CEP63: variants seen among roughly 807,000 people sequenced by gnomAD.
CEP63 encodes centrosomal protein 63, also known as centrosomal protein of 63 kDa.
Under a neutral mutation model 89.1 loss-of-function variants are expected in CEP63, and 84 were observed. That is an observed-to-expected ratio of 0.94 (90% CI 0.79 to 1.13). The LOEUF is 1.13. CEP63 is among the 50% of genes most tolerant of loss of function. CEP63 has a pLI of 0.00. For synonymous variants in CEP63, 267 were observed against 272.5 expected (o/e 0.98, Z 0.20); for missense variants, 838 against 813.3 (o/e 1.03, Z -0.37).
chr3:134,779,398 T>C, the CEP63 span, among the ~76,000 whole-genome samples: 3 of 152,214 alleles, frequency 2.0e-5, no homozygotes, highest in South Asian at 2.1e-4. Flanking sequence ...TTTCCTGTTT[T>C]TTCCTATTAT....
At chr3:134,717,654 T>C in the CEP63 span, among the ~76,000 whole-genome samples, 1 of 152,194 alleles carries the variant, frequency 6.6e-6, no homozygotes, top group African/African-American at 2.4e-5. Context: ...AAATAAAATA[T>C]GTCTGTTTCC....
At chr3:134,612,595 G>A in the CEP63 span, among the ~76,000 whole-genome samples, 2 of 152,122 alleles carry the variant, frequency 1.3e-5, no homozygotes, top group African/African-American at 4.8e-5. Flanking sequence ...GGGTGGGATA[G>A]ACATTCTATA....
chr3:134,723,746 CCTCT>C, the CEP63 span, among the ~76,000 whole-genome samples: 1 of 152,174 alleles, frequency 6.6e-6, no homozygotes, highest in Non-Finnish European at 1.5e-5. Flanking sequence ...GCAGCTCTCA[CCTCT>C]CTCTATCTGT....
At chr3:134,733,512 C>A in the CEP63 span, among the ~76,000 whole-genome samples, 15 of 152,100 alleles carry the variant, frequency 9.9e-5, no homozygotes, top group African/African-American at 3.4e-4. Flanking sequence ...AAGATTAATG[C>A]AGATATAATC....
chr3:134,582,941 AT>A (rs1958395599), intron 10 of CEP63, among the ~76,000 whole-genome samples: 1 of 152,218 alleles, frequency 6.6e-6, no homozygotes, highest in South Asian at 2.1e-4. Context: ...GATGATGAGC[AT>A]TTATTCATGT....
At chr3:134,578,995 TGA>T (rs1958283973), downstream of CEP63, among the ~76,000 whole-genome samples, 2 of 152,194 alleles carry the variant, frequency 1.3e-5, no homozygotes, top group Non-Finnish European at 2.9e-5. Context: ...TGACCTCAAG[TGA>T]TCCACCTGCC....
At chr3:134,492,070 C>CTTTTTTTT (rs74269453) in intron 1 of CEP63, among the ~76,000 whole-genome samples, 3 of 103,682 alleles carry the variant, frequency 2.9e-5, no homozygotes, top group Non-Finnish European at 5.5e-5. Context: ...TATTTGTATT[C>CTTTTTTTT]TTTTTTTTTT....
the CEP63 span, chr3:134,603,518 G>C: frequency 3.4e-6 from 5 of 1,461,214 alleles, no homozygotes; most frequent in Admixed American, 2.3e-5. Flanking sequence ...CACTTCCTTC[G>C]AGCCCTCCCT....
chr3:134,742,772 T>C, the CEP63 span, among the ~76,000 whole-genome samples: 3 of 152,184 alleles, frequency 2.0e-5, no homozygotes, highest in Non-Finnish European at 4.4e-5. Flanking sequence ...GGGAGTGGGT[T>C]CTCTCCCTTG....
chr3:134,560,529 G>A (rs56095285), intron 14 of CEP63, among the ~76,000 whole-genome samples: 30,813 of 152,114 alleles, frequency 0.2, 3,391 homozygotes, highest in African/African-American at 0.29. Flanking sequence ...GGAGATGGAC[G>A]GGACAGCGCA....
chr3:134,650,815 C>G, the CEP63 span: 1 of 1,567,610 alleles, frequency 6.4e-7, no homozygotes, highest in African/African-American at 1.4e-5. Flanking sequence ...CCGGGTCGGG[C>G]GCGCGTTACC....
At chr3:134,777,608 ATT>A in the CEP63 span, among the ~76,000 whole-genome samples, 5 of 100,182 alleles carry the variant, frequency 5.0e-5, no homozygotes, top group African/African-American at 2.0e-4. Context: ...AAAGAATAGA[ATT>A]TTTTTTTTTT....
chr3:134,593,280 C>T, the CEP63 span, among the ~76,000 whole-genome samples: 24 of 152,230 alleles, frequency 1.6e-4, no homozygotes, highest in African/African-American at 5.1e-4. Flanking sequence ...ACTGATGCAT[C>T]GTGATGGTAG....
At chr3:134,535,638 A>G (rs1950628312) in intron 5 of CEP63, 2 of 152,122 alleles carry the variant, frequency 1.3e-5, no homozygotes, top group Non-Finnish European at 2.9e-5. Flanking sequence ...AATAACTTTC[A>G]ACTGCCTGTT....
the CEP63 span, chr3:134,629,659 G>C: frequency 6.2e-7 from 1 of 1,600,346 alleles, no homozygotes; most frequent in Non-Finnish European, 8.5e-7. Flanking sequence ...CTGGGGCATG[G>C]CATCTCGAGG....
chr3:134,703,508 A>C, the CEP63 span, among the ~76,000 whole-genome samples: 1 of 152,142 alleles, frequency 6.6e-6, no homozygotes, highest in Non-Finnish European at 1.5e-5. Flanking sequence ...CATTATCCTT[A>C]GTAAACTAAT....
intron 2 of CEP63, among the ~76,000 whole-genome samples, chr3:134,504,400 A>T (rs759809048): frequency 4.6e-5 from 7 of 152,162 alleles, no homozygotes; most frequent in Non-Finnish European, 8.8e-5. Flanking sequence ...TTCTTTTAAC[A>T]CTTTGAATAT....
the CEP63 span, among the ~76,000 whole-genome samples, chr3:134,741,387 T>C: frequency 6.6e-6 from 1 of 152,126 alleles, no homozygotes; most frequent in Admixed American, 6.5e-5. Context: ...GTCACAGTTG[T>C]TAGGGGTAGA....
chr3:134,522,403 A>C (rs1017598577), intron 3 of CEP63, among the ~76,000 whole-genome samples: 4 of 152,152 alleles, frequency 2.6e-5, no homozygotes, highest in Admixed American at 2.6e-4. Flanking sequence ...CTAGTGAAAG[A>C]AGAGAGCCAA....
Sources: gnomAD v4.1 joint callset for allele counts (sites outside exome capture counted in the v4.1 genomes callset) on GRCh38, gnomAD v4.1.1 for gene constraint, MANE v1.5 for transcripts, NCBI Gene and HGNC (gene_info 2026-07-23, HGNC 2026-07-21) for gene names.